The following ETFDH variants were observed in gnomAD, a reference collection of about 807,000 sequenced individuals.
The protein encoded by ETFDH is electron transfer flavoprotein dehydrogenase, also known as electron transfer flavoprotein-ubiquinone oxidoreductase, mitochondrial.
ETFDH carries 61 observed loss-of-function variants against 73.2 expected under a neutral mutation model. The ratio of observed to expected loss-of-function variants is 0.83; its 90% CI spans 0.68 to 1.03. The LOEUF (loss-of-function observed/expected upper bound fraction) is 1.03, where lower values mean the gene tolerates loss of function less well. ETFDH is among the 50% of genes least tolerant of loss of function. ETFDH has a pLI of 0.00. For synonymous variants in ETFDH, 243 were observed against 253.3 expected, an observed-to-expected ratio of 0.96 and a Z score of 0.39; for missense variants, 685 against 745.0, an observed-to-expected ratio of 0.92 and a Z score of 0.94.
At chr4:158,692,399 C>CAAAAAAA (rs35615738) in intron 6 of ETFDH, among the ~76,000 whole-genome samples, 9 of 91,416 alleles carry the variant, frequency 9.8e-5, no homozygotes, top group African/African-American at 1.8e-4. Flanking sequence ...GACACCGTCT[C>CAAAAAAA]AAAAAAAAAA....
rs1773952713 is a variant in ETFDH at position 158,684,598 on chromosome 4, C to T, written c.412C>T (p.Leu138Phe). 3 of 1,539,240 alleles carry T rather than the reference C, an allele frequency of 1.9e-6. No individual in the cohort carries two copies. Among genetic ancestry groups the T allele is most frequent in the Non-Finnish European group, 2.7e-6 (3 of 1,112,128 alleles). Residue 138 changes from leucine (L) to phenylalanine (F), a missense_variant, in exon 4 of 13, where the codon CTT (leucine) becomes TTT (phenylalanine). Leu to Phe is a conservative substitution (Grantham distance 22). This residue lies in a region of ETFDH where 405 missense variants were observed against 399.3 expected (regional missense o/e 1.01). Coordinates refer to ENST00000511912, the MANE Select transcript of ETFDH (RefSeq NM_004453.4). The part of the protein sequence containing the change: ...FPDWKEKGAP[L>F]NTPVTEDRFG... ...TTTCTTCTTTTATTTCTAGGCTCCA[C>T]TTAACACTCCTGTAACAGAAGACAG...
At position 158,672,521 on chromosome 4, in the gene ETFDH, G is replaced by C. The variant is rs370517102; in HGVS notation, c.34+31G>C. On this transcript the variant is annotated intron_variant, in intron 1 of 12. Coordinates refer to ENST00000511912, the MANE Select transcript of ETFDH (RefSeq NM_004453.4). ...AGGAAACGGGCGGTGGGGATAAGTG[G>C]AGGAGTTAGGGCAAAAGGGACAAGG... 4 of 1,612,638 alleles carry C rather than the reference G, an allele frequency of 2.5e-6. No individual in the cohort carries two copies. In the South Asian group the frequency reaches 3.3e-5, roughly 13 times the overall value.
At chr4:158,688,081 C>A (rs559037210) in intron 5 of ETFDH, among the ~76,000 whole-genome samples, 47 of 150,562 alleles carry the variant, frequency 3.1e-4, no homozygotes, top group African/African-American at 1.1e-3. Context: ...CAGAAAAATT[C>A]TCTTCATAAA....
At position 158,695,659 on chromosome 4, in the gene ETFDH, T is replaced by G; in HGVS notation, c.831+16T>G. The G allele has an allele frequency of 6.3e-7, 1 of 1,579,424 alleles. No individual in the cohort carries two copies. Among genetic ancestry groups the G allele is most frequent in the African/African-American group, 1.3e-5 (1 of 74,420 alleles). ...ACTGAAGGAGGTATCCTGGTTTGTT[T>G]CTGTAATTTTAATTTTGAAAGATGG... On this transcript the variant is annotated intron_variant, in intron 7 of 12. Coordinates refer to ENST00000511912, the MANE Select transcript of ETFDH (RefSeq NM_004453.4).
rs1554033707 is a variant in ETFDH, at chr4:158,709,019, T to TTCTGTGTGTG, written c.*493_*494insCTGTGTGTGT. 1 of 150,336 alleles carries TTCTGTGTGTG rather than the reference T, an allele frequency of 6.7e-6. No homozygotes were observed. The highest frequency in any genetic ancestry group is 6.5e-5 in the Admixed American group (1 of 15,396). 9.3% of individuals were successfully genotyped at this position (150,336 alleles called of 1,614,324 possible). On this transcript the variant is annotated 3_prime_UTR_variant, in exon 13 of 13. Coordinates refer to ENST00000511912, the MANE Select transcript of ETFDH (RefSeq NM_004453.4). ...GAAGTATGCCCATCCCTGAACAAGT[T>TTCTGTGTGTG]TGTGTGTGTGTGTGTGTGTGTGTGT...
At chr4:158,703,022 G>C (rs1381523164) in intron 9 of ETFDH, among the ~76,000 whole-genome samples, 1 of 152,052 alleles carries the variant, frequency 6.6e-6, no homozygotes, top group African/African-American at 2.4e-5. Flanking sequence ...AGGGTGAAAT[G>C]GTATCTCATT....
At chr4:158,708,342 A>G (rs747472780) in intron 12 of ETFDH, 22 bp from the exon 13 acceptor site, 10 of 1,586,802 alleles carry the variant, frequency 6.3e-6, no homozygotes, top group Non-Finnish European at 7.8e-6. Flanking sequence ...GCACTTCAAT[A>G]TTATTTATTT....
rs755372165 is a variant in ETFDH, at chr4:158,695,467, G to A, written c.685-30G>A. ...GTGAATGTATTTTAAATTGTCAAAT[G>A]TTGCCATTTAACATGTTTTTGCTTT... On this transcript the variant is annotated intron_variant, in intron 6 of 12. Coordinates refer to ENST00000511912, the MANE Select transcript of ETFDH (RefSeq NM_004453.4). The A allele has an allele frequency of 6.3e-6, 10 of 1,593,038 alleles. No individual in the cohort carries two copies. The East Asian group carries it at 1.6e-4, about 25-fold the overall frequency.
chr4:158,688,687 A>C (rs1438521563), intron 5 of ETFDH, among the ~76,000 whole-genome samples: 1 of 152,164 alleles, frequency 6.6e-6, no homozygotes, highest in East Asian at 1.9e-4. Flanking sequence ...AAACAAAAAA[A>C]AAGAACGAAA....
In ETFDH at chr4:158,709,218, C is replaced by A. The variant is rs1184758675; in HGVS notation, c.*691C>A. ...ACCATTATTTTTTATGAATAATGCA[C>A]ATAACCATTTTAAAAAACATTTTAC... On this transcript the variant is annotated 3_prime_UTR_variant, in exon 13 of 13. Coordinates refer to ENST00000511912, the MANE Select transcript of ETFDH (RefSeq NM_004453.4). 2 of 153,106 alleles carry A rather than the reference C, an allele frequency of 1.3e-5. No homozygotes were observed. The highest frequency in any genetic ancestry group is 4.8e-5 in the African/African-American group (2 of 41,410). The allele number at this position is 153,106 out of a possible 1,614,324, so 9.5% of individuals were successfully genotyped here.
At position 158,708,599 on chromosome 4, in the gene ETFDH, A is replaced by G; in HGVS notation, c.*72A>G. The G allele has an allele frequency of 1.6e-6, 2 of 1,273,840 alleles. No homozygotes were observed. The highest frequency in any genetic ancestry group is 2.3e-6 in the Non-Finnish European group (2 of 872,578). 78.9% of individuals were successfully genotyped at this position (1,273,840 alleles called of 1,614,324 possible). ...ATGTTTAGAGATTAACAGATTTCAG[A>G]ATGTCTTTCTGCATATTACTGAACA... On this transcript the variant is annotated 3_prime_UTR_variant, in exon 13 of 13. Transcript: ENST00000511912.
At chr4:158,688,039 CAAAAAAT>C (rs1580403195) in intron 5 of ETFDH, among the ~76,000 whole-genome samples, 3 of 149,608 alleles carry the variant, frequency 2.0e-5, no homozygotes. Flanking sequence ...GATTCCATCT[CAAAAAAT>C]AAAAAATAAA....
chr4:158,674,872 T>C lies in ETFDH; in HGVS notation c.34+2382T>C, dbSNP rs192932904. On this transcript the variant is annotated intron_variant, in intron 1 of 12. Coordinates refer to ENST00000511912, the MANE Select transcript of ETFDH (RefSeq NM_004453.4). ...ACTAAAGACATTTATATTTTTACCCTTTTTTGGTCACATAAATGGTTTAAA... is the reference window on the plus strand; with the variant it reads ...ACTAAAGACATTTATATTTTTACCCCTTTTTGGTCACATAAATGGTTTAAA... Among the ~76,000 whole-genome samples, 76 of 152,284 alleles carry C rather than the reference T, an allele frequency of 5.0e-4. 2 individuals carry two copies. Among genetic ancestry groups the C allele is most frequent in the Admixed American group, 4.6e-3 (70 of 15,296 alleles).
chr4:158,689,174 G>GT lies in ETFDH; in HGVS notation c.607-1166dup, dbSNP rs199948549. Among the ~76,000 whole-genome samples the GT allele has an allele frequency of 4.7e-3, 717 of 152,070 alleles. 11 individuals are homozygous for GT. The highest frequency in any genetic ancestry group is 0.019 in the Admixed American group (287 of 15,280). On this transcript the variant is annotated intron_variant, in intron 5 of 12. Coordinates refer to ENST00000511912, the MANE Select transcript of ETFDH (RefSeq NM_004453.4). ...AGTTATTGGCAGCAAGGAAAATTCA[G>GT]TTTTTTTTATTTGTTTTTACCCTTA... is the stretch of plus-strand genomic sequence containing the variant.
intron 3 of ETFDH, 59 bp downstream of exon 3, chr4:158,682,483 G>A: frequency 7.6e-7 from 1 of 1,317,176 alleles, no homozygotes; most frequent in African/African-American, 1.4e-5. Context: ...TTCAGTAATT[G>A]TTCCCAAATT....
At position 158,690,399 on chromosome 4, in the gene ETFDH, G is replaced by A; in HGVS notation, c.658G>A (p.Gly220Arg). 1 of 1,598,672 alleles carries A rather than the reference G, an allele frequency of 6.3e-7. No individual in the cohort carries two copies. The highest frequency in any genetic ancestry group is 1.1e-5 in the South Asian group (1 of 90,768). Residue 220 changes from glycine to arginine, a missense_variant, in exon 6 of 13, where the codon GGG becomes AGG. Around this residue, in one of 3 missense-constraint regions of ETFDH, gnomAD observed 405 missense variants for 399.3 expected, o/e 1.01. Transcript: ENST00000511912. ...AAAAGGAATTGCCACTAACGATGTA[G>A]GGATACAAAAGGATGGTGCACCAAA... ...SVKGIATNDV[G>R]IQKDGAPKAT...
chr4:158,689,625 TA>T lies in ETFDH; in HGVS notation c.607-722del, dbSNP rs1561242375. 1.9e-3 allele frequency among the ~76,000 whole-genome samples: 225 copies of T among 118,514 alleles called. 10 individuals are homozygous for T. In the Middle Eastern group the frequency reaches 0.022, roughly 12 times the overall value. 77.7% of individuals were successfully genotyped at this position (118,514 alleles called of 152,430 possible). A position where few individuals can be genotyped will look rare whatever the true frequency, so the allele number is the denominator to read the frequency against. ...ATATATATATATATATATATATATA[TA>T]TATATATATATTGTGGGGGGGTGGG... On this transcript the variant is annotated intron_variant, in intron 5 of 12. Transcript: ENST00000511912.
At position 158,685,029 on chromosome 4, in the gene ETFDH, TTAAAG is replaced by T. The variant is rs1773966088; in HGVS notation, c.488-69_488-65del. 4.5e-6 allele frequency: 4 copies of T among 891,028 alleles called. No individual in the cohort carries two copies. The African/African-American group carries it at 5.0e-5, about 11-fold the overall frequency. The allele number at this position is 891,028 out of a possible 1,614,324, so 55.2% of individuals were successfully genotyped here. ...TAGAAATACATATTGATTCGAAATT[TTAAAG>T]TATTTATGTTTTTGTAATGTCTTAT... On this transcript the variant is annotated intron_variant, in intron 4 of 12. Transcript: ENST00000511912.
intron 1 of ETFDH, among the ~76,000 whole-genome samples, chr4:158,678,243 G>A (rs1773759809): frequency 6.6e-6 from 1 of 152,128 alleles, no homozygotes; most frequent in Admixed American, 6.5e-5. Flanking sequence ...TTAGTTGGCA[G>A]GTCTCCATAG....
Sources: allele counts gnomAD v4.1 joint callset (sites outside exome capture counted in the v4.1 genomes callset), GRCh38; gene constraint gnomAD v4.1.1; regional missense constraint gnomAD v4.1.1; transcripts MANE v1.5; gene names NCBI Gene and HGNC (gene_info 2026-07-23, HGNC 2026-07-21).